STXBP5: variants seen among roughly 807,000 people sequenced by gnomAD.
STXBP5 encodes syntaxin-binding protein 5.
STXBP5 carries 50 observed loss-of-function variants against 152.4 expected under a neutral mutation model. The ratio of observed to expected loss-of-function variants is 0.33; its 90% confidence interval spans 0.26 to 0.42. STXBP5 has a LOEUF of 0.42. Among genes scored for constraint, STXBP5 ranks in the 10% least tolerant of loss-of-function variants. The pLI, the probability that STXBP5 is intolerant of heterozygous loss-of-function variation, is 1.00. For synonymous variants in STXBP5, 492 were observed against 494.7 expected (o/e 0.99, Z 0.07); for missense variants, 1,167 against 1,388.6 (o/e 0.84, Z 2.54).
At chr6:147,325,181 A>G (rs1051583321) in intron 17 of STXBP5, 97 bp downstream of exon 17, 2 of 1,170,914 alleles carry the variant, frequency 1.7e-6, no homozygotes, top group Non-Finnish European at 2.2e-6. Context: ...TTATATCGTC[A>G]CCTAAAATGG....
chr6:147,310,668 G>C (rs1231177212), intron 10 of STXBP5, among the ~76,000 whole-genome samples: 1 of 152,072 alleles, frequency 6.6e-6, no homozygotes, highest in East Asian at 1.9e-4. Context: ...TTGCAGTCTT[G>C]AGTCTGAAAT....
At chr6:147,266,537 C>T (rs966793665) in intron 6 of STXBP5, among the ~76,000 whole-genome samples, 31 of 152,002 alleles carry the variant, frequency 2.0e-4, no homozygotes, top group African/African-American at 7.2e-4. Flanking sequence ...TAGCTGGTGC[C>T]ACCGAATAGA....
intron 19 of STXBP5, among the ~76,000 whole-genome samples, chr6:147,334,869 G>A (rs1231715249): frequency 1.3e-5 from 2 of 151,966 alleles, no homozygotes; most frequent in African/African-American, 4.8e-5. Context: ...CAGTTTTCTA[G>A]TGAAGAGATC....
chr6:147,311,781 G>C (rs1782390152), intron 11 of STXBP5, among the ~76,000 whole-genome samples: 2 of 152,150 alleles, frequency 1.3e-5, no homozygotes, highest in South Asian at 4.1e-4. Flanking sequence ...CTGACACTTA[G>C]ATATCCTGGG....
chr6:147,213,477 T>TGTGTGCGCGCACGCGC, intron 2 of STXBP5, among the ~76,000 whole-genome samples: 1 of 131,278 alleles, frequency 7.6e-6, no homozygotes, highest in African/African-American at 3.2e-5. Flanking sequence ...TGTGTGTGTG[T>TGTGTGCGCGCACGCGC]GCGCGCGCAT....
At chr6:147,216,129 C>T (rs1051388546) in intron 2 of STXBP5, among the ~76,000 whole-genome samples, 1 of 152,162 alleles carries the variant, frequency 6.6e-6, no homozygotes, top group Non-Finnish European at 1.5e-5. Flanking sequence ...CGGTTGCTCA[C>T]GCCTGTAATC....
chr6:147,207,870 A>G (rs1232879347), intron 2 of STXBP5, among the ~76,000 whole-genome samples: 1 of 152,086 alleles, frequency 6.6e-6, no homozygotes, highest in Non-Finnish European at 1.5e-5. Flanking sequence ...CCCTTTTATA[A>G]TTTAGTATAA....
chr6:147,333,572 C>T lies in STXBP5; in HGVS notation c.2081-585C>T, dbSNP rs547453553. Among the ~76,000 whole-genome samples the T allele has an allele frequency of 5.3e-5, 8 of 152,224 alleles. No individual in the cohort carries two copies. In the South Asian group the frequency reaches 1.7e-3, roughly 32 times the overall value. Reference sequence around the variant, plus strand: ...TAATTCTCATTCAAGAACTTCCTATCTAATGAAAAAAACTAATATGTGCCT... The same window carrying T: ...TAATTCTCATTCAAGAACTTCCTATTTAATGAAAAAAACTAATATGTGCCT... On this transcript the variant is annotated intron_variant, in intron 18 of 27. Coordinates refer to ENST00000321680, the MANE Select transcript of STXBP5 (RefSeq NM_001127715.4).
intron 2 of STXBP5, among the ~76,000 whole-genome samples, chr6:147,209,276 C>A (rs1013506980): frequency 6.6e-6 from 1 of 152,096 alleles, no homozygotes; most frequent in Admixed American, 6.5e-5. Flanking sequence ...TCATTGTCTT[C>A]TTGACTGGTG....
rs1202430867 is a variant in STXBP5 at position 147,385,377 on chromosome 6, CTTG to C, written c.*625_*627del. The stretch of plus-strand genomic sequence containing the variant: ...CTTGTGTATGAGCTACTCTTGGATT[CTTG>C]TTATTATAGACTTGTATTTAGTTCA... On this transcript the variant is annotated 3_prime_UTR_variant, in exon 28 of 28. Transcript: ENST00000321680. 6.6e-6 allele frequency: 1 copy of C among 151,946 alleles called. No individual in the cohort carries two copies. Among genetic ancestry groups the C allele is most frequent in the African/African-American group, 2.4e-5 (1 of 41,402 alleles). 9.4% of individuals were successfully genotyped at this position (151,946 alleles called of 1,614,324 possible).
chr6:147,245,809 T>G (rs1778783064), intron 4 of STXBP5, among the ~76,000 whole-genome samples: 1 of 152,162 alleles, frequency 6.6e-6, no homozygotes, highest in South Asian at 2.1e-4. Context: ...AACTGAGTGA[T>G]GCAGCTATAA....
chr6:147,237,789 T>G (rs1199015910), intron 3 of STXBP5, among the ~76,000 whole-genome samples: 1 of 152,310 alleles, frequency 6.6e-6, no homozygotes, highest in East Asian at 1.9e-4. Flanking sequence ...TCTGAGTAGA[T>G]GAGAAACTCT....
chr6:147,250,521 A>G (rs953335790), intron 4 of STXBP5, among the ~76,000 whole-genome samples: 11 of 152,332 alleles, frequency 7.2e-5, no homozygotes, highest in African/African-American at 9.6e-5. Context: ...TGCAAATATT[A>G]TACCATTTTA....
At chr6:147,374,530 G>A (rs889136993) in intron 26 of STXBP5, among the ~76,000 whole-genome samples, 7 of 152,152 alleles carry the variant, frequency 4.6e-5, no homozygotes. Context: ...AATGAAGACT[G>A]TTCAAGTCAG....
chr6:147,222,191 C>T (rs769806361), intron 2 of STXBP5, among the ~76,000 whole-genome samples: 45 of 152,168 alleles, frequency 3.0e-4, no homozygotes, highest in Non-Finnish European at 5.0e-4. Flanking sequence ...GAGCCCTTAG[C>T]ATATAAATCA....
At chr6:147,304,933 T>TA (rs1420701656) in intron 9 of STXBP5, among the ~76,000 whole-genome samples, 3 of 152,172 alleles carry the variant, frequency 2.0e-5, no homozygotes, top group Non-Finnish European at 4.4e-5. Flanking sequence ...TAGCTAGAGT[T>TA]ACGTGGTTTC....
At chr6:147,256,673 A>G (rs188221815) in intron 4 of STXBP5, among the ~76,000 whole-genome samples, 8 of 152,324 alleles carry the variant, frequency 5.3e-5, no homozygotes, top group Admixed American at 3.3e-4. Context: ...ATCAATGATA[A>G]TGGTTTAAAT....
rs967846789 is a variant in STXBP5 at position 147,239,112 on chromosome 6, T to C, written c.331-58T>C. 70 of 1,461,014 alleles carry C rather than the reference T, an allele frequency of 4.8e-5. No individual in the cohort carries two copies. The Middle Eastern group carries it at 5.4e-4, about 11-fold the overall frequency. The allele number at this position is 1,461,014 out of a possible 1,614,324, so 90.5% of individuals were successfully genotyped here. A position where few individuals can be genotyped will look rare whatever the true frequency, so the allele number is the denominator to read the frequency against. On this transcript the variant is annotated intron_variant, in intron 3 of 27. Transcript: ENST00000321680. ...GGAGATATTTCTGGCAGCTATTGAGTAGACTTCATGTTTATAAAATATATT... is the reference window on the plus strand; with the variant it reads ...GGAGATATTTCTGGCAGCTATTGAGCAGACTTCATGTTTATAAAATATATT...
At chr6:147,218,085 T>A (rs1233320287) in intron 2 of STXBP5, among the ~76,000 whole-genome samples, 1 of 152,288 alleles carries the variant, frequency 6.6e-6, no homozygotes, top group African/African-American at 2.4e-5. Flanking sequence ...ACAGCAAAAG[T>A]AAGTGGAAGG....
Sources: allele counts gnomAD v4.1 joint callset (sites outside exome capture counted in the v4.1 genomes callset), GRCh38; gene constraint gnomAD v4.1.1; transcripts MANE v1.5; gene names NCBI Gene and HGNC (gene_info 2026-07-23, HGNC 2026-07-21).